The following THEM6 variants were observed in gnomAD, a reference collection of about 807,000 sequenced individuals.
The protein encoded by THEM6 is thioesterase superfamily member 6, also known as protein THEM6.
Under a neutral mutation model 13.7 loss-of-function variants are expected in THEM6, and 10 were observed. The ratio of observed to expected loss-of-function variants is 0.73; its 90% CI spans 0.45 to 1.24. THEM6 has a LOEUF of 1.24. Among genes scored for constraint, THEM6 ranks in the 50% most tolerant of loss-of-function variants. THEM6 has a pLI of 0.00. For missense variants in THEM6, 317 were observed against 312.6 expected (o/e 1.01, Z -0.11); for synonymous variants, 161 against 156.0 (o/e 1.03, Z -0.24).
chr8:142,734,341 G>A (rs1450325256), intron 1 of THEM6, among the ~76,000 whole-genome samples: 1 of 152,246 alleles, frequency 6.6e-6, no homozygotes, highest in African/African-American at 2.4e-5. Flanking sequence ...GCCGGGCACG[G>A]AGGCCGAGGA....
chr8:142,730,806 G>A (rs1176630699), intron 1 of THEM6, among the ~76,000 whole-genome samples: 3 of 150,544 alleles, frequency 2.0e-5, no homozygotes, highest in African/African-American at 7.4e-5. Flanking sequence ...GTGCAGTGGC[G>A]CAATCTCAGC....
At chr8:142,728,136 C>T (rs782326690) in intron 1 of THEM6, among the ~76,000 whole-genome samples, 1 of 152,224 alleles carries the variant, frequency 6.6e-6, no homozygotes, top group Non-Finnish European at 1.5e-5. Context: ...CCTGGCCCCT[C>T]ACGGTTTCGT....
rs1407769286 is a variant in THEM6, at chr8:142,736,228, G to A, written c.*789G>A. 2 of 152,344 alleles carry A rather than the reference G, an allele frequency of 1.3e-5. No homozygotes were observed. 9.4% of individuals were successfully genotyped at this position (152,344 alleles called of 1,614,324 possible). A position where few individuals can be genotyped will look rare whatever the true frequency, so the allele number is the denominator to read the frequency against. On this transcript the variant is annotated 3_prime_UTR_variant, in exon 2 of 2. Coordinates refer to ENST00000336138, the MANE Select transcript of THEM6 (RefSeq NM_016647.3). Reference sequence around the variant, plus strand: ...AATAGAGTGGGGGTGGGACTCTGCAGGGGTGTCCTTGTCCACTCGCACCCC... The same window carrying A: ...AATAGAGTGGGGGTGGGACTCTGCAAGGGTGTCCTTGTCCACTCGCACCCC...
chr8:142,728,183 T>C (rs1310318120), intron 1 of THEM6, among the ~76,000 whole-genome samples: 1 of 152,192 alleles, frequency 6.6e-6, no homozygotes, highest in Admixed American at 6.5e-5. Flanking sequence ...CTCTGTTCTG[T>C]GGCTGGAGTG....
At position 142,727,543 on chromosome 8, in the gene THEM6, A is replaced by C; in HGVS notation, c.197A>C (p.Asn66Thr). 6.4e-7 allele frequency: 1 copy of C among 1,565,276 alleles called. No homozygotes were observed. The highest frequency in any genetic ancestry group is 1.4e-5 in the African/African-American group (1 of 71,592). Residue 66 changes from asparagine (N) to threonine (T), a missense_variant, in exon 1 of 2, where the codon AAC becomes ACC. Asn to Thr is a moderately conservative substitution (Grantham distance 65). Coordinates refer to ENST00000336138, the MANE Select transcript of THEM6 (RefSeq NM_016647.3). ...PSDLDLLLHM[N>T]NARYLREADF... is the part of the protein sequence containing the mutation. ...GACTTGGACCTGCTGCTGCACATGA[A>C]CAACGCGCGCTACCTGCGCGAGGCC...
In THEM6 at chr8:142,727,429, C is replaced by T. The variant is rs1554642430; in HGVS notation, c.83C>T (p.Pro28Leu). ...LLDVWYLVRLPCAVLRARLLQ... is the reference protein window; with the variant it reads ...LLDVWYLVRLLCAVLRARLLQ... ...GACGTCTGGTACCTGGTGCGCCTTC[C>T]GTGCGCCGTGCTGCGCGCGCGCCTG... is the stretch of plus-strand genomic sequence containing the variant. The change falls in exon 1 of 2, where the codon CCG (proline) becomes CTG (leucine). Residue 28 changes from proline to leucine, a missense_variant. By Grantham distance (98) the Pro-to-Leu change is moderately conservative. Transcript: ENST00000336138. The T allele has an allele frequency of 2.6e-6, 4 of 1,545,904 alleles. No homozygotes were observed. The highest frequency in any genetic ancestry group is 1.9e-5 in the Admixed American group (1 of 53,514).
chr8:142,730,837 C>T lies in THEM6; in HGVS notation c.513+2978C>T, dbSNP rs12679168. Among the ~76,000 whole-genome samples, 1,514 of 152,074 alleles carry T rather than the reference C, an allele frequency of 1.0e-2. 127 individuals carry two copies. In the East Asian group the frequency reaches 0.22, roughly 23 times the overall value. On this transcript the variant is annotated intron_variant, in intron 1 of 1. Transcript: ENST00000336138. ...TCAGCTCACCGCAAGCTCCGCCTCCCGGGTTCACGCCATTCTCCTGCCTCA... is the reference window on the plus strand; with the variant it reads ...TCAGCTCACCGCAAGCTCCGCCTCCTGGGTTCACGCCATTCTCCTGCCTCA...
chr8:142,732,991 T>A (rs1815686418), intron 1 of THEM6, among the ~76,000 whole-genome samples: 1 of 152,222 alleles, frequency 6.6e-6, no homozygotes, highest in South Asian at 2.1e-4. Flanking sequence ...AAGGACACAC[T>A]TGCCATCAGC....
At position 142,728,009 on chromosome 8, in the gene THEM6, C is replaced by T. The variant is rs1033270953; in HGVS notation, c.513+150C>T. On this transcript the variant is annotated intron_variant, in intron 1 of 1. Coordinates refer to ENST00000336138, the MANE Select transcript of THEM6 (RefSeq NM_016647.3). ...AGTCCTGCCTCTTACCGCTCCCGCC[C>T]CTCCCTCTCTACCGGGGGCATTCCT... is the stretch of plus-strand genomic sequence containing the variant. 60 of 886,870 alleles carry T rather than the reference C, an allele frequency of 6.8e-5. 1 individual carries two copies. In the African/African-American group the frequency reaches 8.5e-4, roughly 13 times the overall value. The allele number at this position is 886,870 out of a possible 1,614,324, so 54.9% of individuals were successfully genotyped here.
chr8:142,727,435 C>T lies in THEM6; in HGVS notation c.89C>T (p.Ala30Val). 6.5e-7 allele frequency: 1 copy of T among 1,549,780 alleles called. No individual in the cohort carries two copies. The highest frequency in any genetic ancestry group is 8.7e-7 in the Non-Finnish European group (1 of 1,155,186). Residue 30 changes from alanine to valine, a missense_variant, in exon 1 of 2, where the codon GCC becomes GTC. By Grantham distance (64) the Ala-to-Val change is moderately conservative. Coordinates refer to ENST00000336138, the MANE Select transcript of THEM6 (RefSeq NM_016647.3). ...TGGTACCTGGTGCGCCTTCCGTGCG[C>T]CGTGCTGCGCGCGCGCCTGCTGCAG... is the stretch of plus-strand genomic sequence containing the variant. ...DVWYLVRLPCAVLRARLLQPR... is the reference protein window; with the variant it reads ...DVWYLVRLPCVVLRARLLQPR...
intron 1 of THEM6, 147 bp downstream of exon 1, chr8:142,728,006 G>A (rs1274380327): frequency 4.4e-6 from 4 of 911,592 alleles, no homozygotes; most frequent in African/African-American, 1.7e-5. Flanking sequence ...TACCGCTCCC[G>A]CCCCTCCCTC....
At chr8:142,734,074 G>A (rs1004830840) in intron 1 of THEM6, among the ~76,000 whole-genome samples, 3 of 152,214 alleles carry the variant, frequency 2.0e-5, no homozygotes, top group African/African-American at 7.2e-5. Context: ...GGTCTGTGTT[G>A]TTAATGCTGG....
chr8:142,730,365 T>C (rs587739931), intron 1 of THEM6, among the ~76,000 whole-genome samples: 23 of 152,330 alleles, frequency 1.5e-4, no homozygotes, highest in African/African-American at 4.3e-4. Context: ...CTGGAAATTC[T>C]AGGGGTGGTA....
At chr8:142,732,382 C>A (rs992699141) in intron 1 of THEM6, among the ~76,000 whole-genome samples, 5 of 150,894 alleles carry the variant, frequency 3.3e-5, no homozygotes, top group African/African-American at 9.8e-5. Context: ...GGTCGCCCCC[C>A]CAAGGGAGAA....
At chr8:142,731,553 C>CTAT (rs2129995365) in intron 1 of THEM6, among the ~76,000 whole-genome samples, 1 of 152,284 alleles carries the variant, frequency 6.6e-6, no homozygotes, top group South Asian at 2.1e-4. Context: ...GCCTTTTACG[C>CTAT]TATTTCTTTT....
chr8:142,729,183 C>T (rs1815592648), intron 1 of THEM6, among the ~76,000 whole-genome samples: 1 of 152,166 alleles, frequency 6.6e-6, no homozygotes. Flanking sequence ...TATCTGGACA[C>T]TCCCAAGTCT....
Position 142,727,519 on chromosome 8 carries a change from A to G in THEM6, c.173A>G (p.Asp58Gly). 1.3e-6 allele frequency: 2 copies of G among 1,579,482 alleles called. No homozygotes were observed. The highest frequency in any genetic ancestry group is 2.3e-5 in the East Asian group (1 of 42,828). Reference sequence around the variant, plus strand: ...TTCCCGGGCCGCGTGCTGCCCTCGGACTTGGACCTGCTGCTGCACATGAAC... The same window carrying G: ...TTCCCGGGCCGCGTGCTGCCCTCGGGCTTGGACCTGCTGCTGCACATGAAC... ...QRFPGRVLPS[D>G]LDLLLHMNNA... Residue 58 changes from aspartate to glycine, a missense_variant, in exon 1 of 2, where the codon GAC (aspartate) becomes GGC (glycine). Coordinates refer to ENST00000336138, the MANE Select transcript of THEM6 (RefSeq NM_016647.3).
chr8:142,735,259 T>C, intron 1 of THEM6, 67 bp from the exon 2 acceptor site: 1 of 1,207,038 alleles, frequency 8.3e-7, no homozygotes, highest in Non-Finnish European at 1.2e-6. Context: ...TGGGGAGCAG[T>C]GTGGGCAGCG....
chr8:142,728,121 C>T (rs1368706046), intron 1 of THEM6, among the ~76,000 whole-genome samples: 2 of 152,202 alleles, frequency 1.3e-5, no homozygotes, highest in South Asian at 2.1e-4. Flanking sequence ...CCTGCCATTT[C>T]TTAACCTGGC....
Sources: gnomAD v4.1 joint callset for allele counts (sites outside exome capture counted in the v4.1 genomes callset) on GRCh38, gnomAD v4.1.1 for gene constraint, MANE v1.5 for transcripts, NCBI Gene and HGNC (gene_info 2026-07-23, HGNC 2026-07-21) for gene names.